COL25A1: variants seen among roughly 807,000 people sequenced by gnomAD.
COL25A1 encodes the protein collagen type XXV alpha 1 chain.
In COL25A1, 103 loss-of-function variants were observed where a neutral mutation model predicts 128.4. The observed-to-expected ratio is 0.80, with a 90% confidence interval of 0.68 to 0.94. The LOEUF (loss-of-function observed/expected upper bound fraction) is 0.94, where lower values mean the gene tolerates loss of function less well. Among genes scored for constraint, COL25A1 ranks in the 40% least tolerant of loss-of-function variants. The pLI is 0.00. For missense variants in COL25A1, 745 were observed against 840.0 expected (o/e 0.89, Z 1.40); for synonymous variants, 279 against 277.2 (o/e 1.01, Z -0.06).
chr4:109,065,537 CGCGCGCGCGTGTGTGTGTGTGTGTGT>C (rs1226277668), intron 3 of COL25A1, among the ~76,000 whole-genome samples: 1 of 132,104 alleles, frequency 7.6e-6, no homozygotes, highest in Non-Finnish European at 1.6e-5. Context: ...GCAGCACGCG[CGCGCGCGCGTGTGTGTGTGTGTGTGT>C]GTGTGTGTGT....
chr4:108,886,211 T>C (rs957293232), intron 18 of COL25A1, among the ~76,000 whole-genome samples: 2 of 152,208 alleles, frequency 1.3e-5, no homozygotes, highest in Non-Finnish European at 2.9e-5. Context: ...TATTAGTTGA[T>C]ATGATGAAAG....
At chr4:109,272,174 T>C (rs1782242809) in intron 3 of COL25A1, among the ~76,000 whole-genome samples, 2 of 152,102 alleles carry the variant, frequency 1.3e-5, no homozygotes. Flanking sequence ...AGGTCAAGGC[T>C]GCGATGAGCC....
intron 3 of COL25A1, among the ~76,000 whole-genome samples, chr4:109,263,194 A>G (rs990948052): frequency 4.6e-5 from 7 of 152,192 alleles, no homozygotes; most frequent in African/African-American, 1.7e-4. Context: ...AAAATTGTAA[A>G]TTACGAAGTC....
intron 3 of COL25A1, among the ~76,000 whole-genome samples, chr4:109,112,073 G>T (rs1370982937): frequency 6.6e-6 from 1 of 151,722 alleles, no homozygotes. Flanking sequence ...GATTTTATTT[G>T]TATTAAGTAA....
chr4:109,043,242 A>C (rs895867554), intron 5 of COL25A1, among the ~76,000 whole-genome samples: 1 of 152,084 alleles, frequency 6.6e-6, no homozygotes, highest in African/African-American at 2.4e-5. Flanking sequence ...GAAAAGACAC[A>C]ATTTGACTTA....
chr4:109,083,499 G>C (rs1764059510), intron 3 of COL25A1, among the ~76,000 whole-genome samples: 1 of 109,090 alleles, frequency 9.2e-6, no homozygotes, highest in Non-Finnish European at 1.7e-5. Context: ...GTCTCGCTCT[G>C]TCGCCCAGGC....
intron 13 of COL25A1, among the ~76,000 whole-genome samples, chr4:108,908,126 T>G (rs918863022): frequency 6.6e-6 from 1 of 152,194 alleles, no homozygotes; most frequent in African/African-American, 2.4e-5. Context: ...ACTTGCTTTT[T>G]CCAGCCCCCT....
chr4:109,226,748 G>A (rs1578490117), intron 3 of COL25A1, among the ~76,000 whole-genome samples: 1 of 151,924 alleles, frequency 6.6e-6, no homozygotes, highest in South Asian at 2.1e-4. Context: ...CATTTTTAAG[G>A]GGGATTTATT....
At position 108,989,837 on chromosome 4, in the gene COL25A1, A is replaced by C. The variant is rs547072381; in HGVS notation, c.439-15278T>G. ...ATCCAAAAAATAAGTATATATTTAA[A>C]ATGTGATATCAGTTGAAATGTCTGA... On this transcript the variant is annotated intron_variant, in intron 6 of 37. Coordinates refer to ENST00000399132, the MANE Select transcript of COL25A1 (RefSeq NM_198721.4). 2.4e-4 allele frequency among the ~76,000 whole-genome samples: 36 copies of C among 152,282 alleles called. 1 individual carries two copies. In the South Asian group the frequency reaches 7.5e-3, roughly 32 times the overall value.
intron 3 of COL25A1, among the ~76,000 whole-genome samples, chr4:109,216,335 G>A (rs528125195): frequency 6.7e-4 from 102 of 151,680 alleles, no homozygotes; most frequent in Non-Finnish European, 1.2e-3. Flanking sequence ...GGAAGGGGGG[G>A]CAGTTAAAGA....
In COL25A1 at chr4:109,211,288, A is replaced by T. The variant is rs1352950136; in HGVS notation, c.367+89295T>A. Among the ~76,000 whole-genome samples the T allele has an allele frequency of 2.3e-3, 187 of 82,754 alleles. 1 individual carries two copies. The East Asian group carries it at 0.039, about 17-fold the overall frequency. 54.3% of individuals were successfully genotyped at this position (82,754 alleles called of 152,430 possible). On this transcript the variant is annotated intron_variant, in intron 3 of 37. Coordinates refer to ENST00000399132, the MANE Select transcript of COL25A1 (RefSeq NM_198721.4). ...TATATATGAAACTATATATATATGA[A>T]ACTATATATATATATATATATATAT... is the stretch of plus-strand genomic sequence containing the variant.
At chr4:109,076,530 G>C (rs950960397) in intron 3 of COL25A1, among the ~76,000 whole-genome samples, 1 of 152,102 alleles carries the variant, frequency 6.6e-6, no homozygotes, top group Admixed American at 6.6e-5. Flanking sequence ...AAGTACAGTA[G>C]AGCAGTGGTC....
chr4:108,944,306 T>G (rs1156972753), intron 8 of COL25A1, among the ~76,000 whole-genome samples: 27 of 152,210 alleles, frequency 1.8e-4, no homozygotes, highest in Admixed American at 1.8e-3. Flanking sequence ...TGAAAACAGA[T>G]GTATACAATT....
intron 3 of COL25A1, among the ~76,000 whole-genome samples, chr4:109,294,567 A>G (rs1266089015): frequency 6.6e-6 from 1 of 152,122 alleles, no homozygotes; most frequent in Non-Finnish European, 1.5e-5. Flanking sequence ...TTAAACCACC[A>G]CATGGAACTT....
At chr4:109,120,620 G>A in intron 3 of COL25A1, among the ~76,000 whole-genome samples, 1 of 151,808 alleles carries the variant, frequency 6.6e-6, no homozygotes, top group Admixed American at 6.6e-5. Flanking sequence ...ACCAGCCTGG[G>A]AAACACGGCA....
chr4:108,983,812 A>C (rs1753314916), intron 6 of COL25A1, among the ~76,000 whole-genome samples: 1 of 151,930 alleles, frequency 6.6e-6, no homozygotes, highest in Non-Finnish European at 1.5e-5. Flanking sequence ...GTGAAGCTGC[A>C]GACCTTCGCA....
intron 3 of COL25A1, among the ~76,000 whole-genome samples, chr4:109,082,141 A>T (rs1763903934): frequency 6.6e-6 from 1 of 152,216 alleles, no homozygotes; most frequent in Non-Finnish European, 1.5e-5. Flanking sequence ...TCAGTACTAC[A>T]TTCAATTTCA....
chr4:109,277,951 T>C lies in COL25A1; in HGVS notation c.367+22632A>G, dbSNP rs558795161. Among the ~76,000 whole-genome samples, 11 of 152,146 alleles carry C rather than the reference T, an allele frequency of 7.2e-5. No individual in the cohort carries two copies. In the East Asian group the frequency reaches 1.9e-3, roughly 27 times the overall value. On this transcript the variant is annotated intron_variant, in intron 3 of 37. Transcript: ENST00000399132. The stretch of plus-strand genomic sequence containing the variant: ...GAGATCAAGACCATCCTGGCTAACA[T>C]GGTGAAACCCCATCTCTACTAAAAA...
chr4:109,162,039 T>C (rs1351114270), intron 3 of COL25A1, among the ~76,000 whole-genome samples: 2 of 152,140 alleles, frequency 1.3e-5, no homozygotes, highest in Non-Finnish European at 2.9e-5. Context: ...AGGAAAGTAA[T>C]GTAGTATCAA....
Sources: allele counts gnomAD v4.1 joint callset (sites outside exome capture counted in the v4.1 genomes callset), GRCh38; gene constraint gnomAD v4.1.1; transcripts MANE v1.5; gene names NCBI Gene and HGNC (gene_info 2026-07-23, HGNC 2026-07-21).